ABCB8: variants seen among roughly 807,000 people sequenced by gnomAD.
ABCB8 encodes mitochondrial potassium channel ATP-binding subunit.
Under a neutral mutation model 73.0 loss-of-function variants are expected in ABCB8, and 52 were observed. That is an observed-to-expected ratio of 0.71 (90% CI 0.57 to 0.90). The LOEUF is 0.90. Among genes scored for constraint, ABCB8 ranks in the 40% least tolerant of loss-of-function variants. The probability of loss-of-function intolerance (pLI) is 0.00; values close to 1 mark genes in which losing one functional copy is unlikely to be tolerated. For synonymous variants in ABCB8, 428 were observed against 423.5 expected (o/e 1.01, Z -0.13); for missense variants, 909 against 974.6 (o/e 0.93, Z 0.90).
Position 151,045,321 on chromosome 7 carries a change from G to T in ABCB8, c.2129G>T (p.Gly710Val), listed in dbSNP as rs59397762. 82,166 of 1,590,168 alleles carry T rather than the reference G, an allele frequency of 0.052. 2,391 individuals are homozygous for T. The highest frequency in any genetic ancestry group is 0.06 in the Non-Finnish European group (70,286 of 1,168,038). ...GCCCCACCGCCCAAAAAGCCAGAAG[G>T]CCCCAGGAGCCACCAGCACAAGTCC... Reference protein sequence around the residue: ...TAAPPPKKPEGPRSHQHKS With the variant: ...TAAPPPKKPEVPRSHQHKS Residue 710 changes from glycine to valine, a missense_variant, in exon 16 of 16, where the codon GGC (glycine) becomes GTC (valine). Coordinates refer to ENST00000358849, the MANE Select transcript of ABCB8 (RefSeq NM_007188.5).
At chr7:151,041,435 C>A (rs1796462821) in intron 13 of ABCB8, among the ~76,000 whole-genome samples, 1 of 152,270 alleles carries the variant, frequency 6.6e-6, no homozygotes, top group African/African-American at 2.4e-5. Context: ...TGCCTGGTCT[C>A]CCAGAGCAGG....
Position 151,035,571 on chromosome 7 carries a change from C to G in ABCB8, c.766-10C>G, listed in dbSNP as rs1796280879. ...CGCCGTAGCCTCCCGCCTTCCCTCC[C>G]ACTCCCTAGGGGCTGCGAAGCTGCA... On this transcript the variant is annotated splice_polypyrimidine_tract_variant and intron_variant, in intron 5 of 15. Coordinates refer to ENST00000358849, the MANE Select transcript of ABCB8 (RefSeq NM_007188.5). 1 of 1,582,196 alleles carries G rather than the reference C, an allele frequency of 6.3e-7. No individual in the cohort carries two copies.
At chr7:151,029,928 G>A (rs1425563426) in intron 1 of ABCB8, among the ~76,000 whole-genome samples, 1 of 152,214 alleles carries the variant, frequency 6.6e-6, no homozygotes, top group Non-Finnish European at 1.5e-5. Context: ...GCAAGAGCTG[G>A]ATCGAGCTGG....
At chr7:151,041,264 C>T (rs754321161) in intron 13 of ABCB8, 32 bp downstream of exon 13, 5 of 1,577,168 alleles carry the variant, frequency 3.2e-6, no homozygotes, top group Non-Finnish European at 1.7e-6. Context: ...CCTTGGCTCC[C>T]ACTGCCCGTC....
chr7:151,035,151 T>A (rs1183075744), intron 5 of ABCB8, among the ~76,000 whole-genome samples: 1 of 152,182 alleles, frequency 6.6e-6, no homozygotes, highest in Non-Finnish European at 1.5e-5. Context: ...CCAGAGTGCC[T>A]GGATTGCTGA....
Position 151,033,645 on chromosome 7 carries a change from G to C in ABCB8, c.136G>C (p.Val46Leu). The change falls in exon 2 of 16, where the codon GTG becomes CTG. Residue 46 changes from valine to leucine, a missense_variant. By Grantham distance (32) the Val-to-Leu change is conservative. Transcript: ENST00000358849. ...CCGCAGCTCCTCCCTCCTCCGGGCCGTGGCCCACCTGCGGTCCCAGCTCTG... is the reference window on the plus strand; with the variant it reads ...CCGCAGCTCCTCCCTCCTCCGGGCCCTGGCCCACCTGCGGTCCCAGCTCTG... Reference protein sequence around the residue: ...GYRSSSLLRAVAHLRSQLWAH... With the variant: ...GYRSSSLLRALAHLRSQLWAH... 6.2e-7 allele frequency: 1 copy of C among 1,601,348 alleles called. No individual in the cohort carries two copies. Among genetic ancestry groups the C allele is most frequent in the Non-Finnish European group, 8.5e-7 (1 of 1,171,728 alleles).
At position 151,042,120 on chromosome 7, in the gene ABCB8, G is replaced by A. The variant is rs1439667007; in HGVS notation, c.1765+12G>A. On this transcript the variant is annotated intron_variant, in intron 14 of 15. Transcript: ENST00000358849. ...CAACACGGTCGTCGGTGGGTGCTCG[G>A]GTCTGCCGGGAACCAGGTGGTGAGG... The A allele has an allele frequency of 1.2e-6, 2 of 1,611,890 alleles. No individual in the cohort carries two copies. Among genetic ancestry groups the A allele is most frequent in the African/African-American group, 2.7e-5 (2 of 74,856 alleles).
At position 151,034,521 on chromosome 7, in the gene ABCB8, G is replaced by A; in HGVS notation, c.581G>A (p.Gly194Glu). The A allele has an allele frequency of 3.7e-6, 6 of 1,613,392 alleles. No homozygotes were observed. The highest frequency in any genetic ancestry group is 5.1e-6 in the Non-Finnish European group (6 of 1,180,020). The change falls in exon 4 of 16, where the codon GGG becomes GAG. Residue 194 changes from glycine (G) to glutamate (E), a missense_variant. Transcript: ENST00000358849. ...LYGVQGLLTF[G>E]YLVLLSHVGE... Reference sequence around the variant, plus strand: ...CTTTCGCAGGGACTGCTGACCTTCGGGTACCTGGTGCTGCTGTCCCACGTT... The same window carrying A: ...CTTTCGCAGGGACTGCTGACCTTCGAGTACCTGGTGCTGCTGTCCCACGTT...
At chr7:151,034,480 C>T in intron 3 of ABCB8, 25 bp from the exon 4 acceptor site, 1 of 1,613,700 alleles carries the variant, frequency 6.2e-7, no homozygotes, top group Non-Finnish European at 8.5e-7. Context: ...CGAGGCATCC[C>T]TGAGTGCACT....
At chr7:151,033,352 T>C (rs1191090384) in intron 1 of ABCB8, 1 of 1,304,728 alleles carries the variant, frequency 7.7e-7, no homozygotes, top group Non-Finnish European at 1.0e-6. Flanking sequence ...GGGTGTTGCC[T>C]GAGAGTTGCC....
At position 151,045,243 on chromosome 7, in the gene ABCB8, G is replaced by C; in HGVS notation, c.2051G>C (p.Gly684Ala). The C allele has an allele frequency of 6.3e-7, 1 of 1,596,498 alleles. No individual in the cohort carries two copies. The highest frequency in any genetic ancestry group is 8.5e-7 in the Non-Finnish European group (1 of 1,170,932). ...CATGAAGAGCTCCTGAAGAAAGGCG[G>C]GCTATACGCCGAGCTCATCCGGAGG... ...GTHEELLKKG[G>A]LYAELIRRQA... Residue 684 changes from glycine (G) to alanine (A), a missense_variant, in exon 16 of 16, where the codon GGG becomes GCG. Coordinates refer to ENST00000358849, the MANE Select transcript of ABCB8 (RefSeq NM_007188.5).
rs764578962 is a variant in ABCB8, at chr7:151,042,034, T to C, written c.1691T>C (p.Val564Ala). The stretch of plus-strand genomic sequence containing the variant: ...AAGCTGGAAGCTTCCGATGAAGAGG[T>C]GTACACAGCCGCCCGGGAAGCGAAT... ...FGKLEASDEE[V>A]YTAAREANAH... The change falls in exon 14 of 16, where the codon GTG (valine) becomes GCG (alanine). Residue 564 changes from valine (V) to alanine (A), a missense_variant. Coordinates refer to ENST00000358849, the MANE Select transcript of ABCB8 (RefSeq NM_007188.5). 1.1e-5 allele frequency: 18 copies of C among 1,612,694 alleles called. No homozygotes were observed. The highest frequency in any genetic ancestry group is 1.5e-5 in the Non-Finnish European group (18 of 1,179,930).
At position 151,034,255 on chromosome 7, in the gene ABCB8, T is replaced by A; in HGVS notation, c.409-18T>A. On this transcript the variant is annotated intron_variant, in intron 2 of 15. Transcript: ENST00000358849. ...TCCCCCACTTAAAACATTTGTGCCCTCTGTCTCCCCATTCCAGCTGGCCTT... is the reference window on the plus strand; with the variant it reads ...TCCCCCACTTAAAACATTTGTGCCCACTGTCTCCCCATTCCAGCTGGCCTT... The A allele has an allele frequency of 6.2e-7, 1 of 1,603,100 alleles. No homozygotes were observed. The highest frequency in any genetic ancestry group is 8.5e-7 in the Non-Finnish European group (1 of 1,174,744).
At chr7:151,036,429 A>G (rs765131707) in intron 8 of ABCB8, 115 bp from the exon 9 acceptor site, 130 of 1,045,580 alleles carry the variant, frequency 1.2e-4, no homozygotes, top group Middle Eastern at 2.1e-4. Context: ...GAGGAAGCCA[A>G]CGCTGGGACC....
intron 1 of ABCB8, among the ~76,000 whole-genome samples, chr7:151,032,173 C>T (rs1796181612): frequency 6.6e-6 from 1 of 152,190 alleles, no homozygotes; most frequent in African/African-American, 2.4e-5. Flanking sequence ...CACTCCACCC[C>T]CACCTGTGCC....
intron 5 of ABCB8, 108 bp from the exon 6 acceptor site, chr7:151,035,473 T>C: frequency 7.5e-7 from 1 of 1,330,566 alleles, no homozygotes; most frequent in Non-Finnish European, 1.0e-6. Flanking sequence ...GGCCAAGACC[T>C]GGGCCTTGGC....
chr7:151,044,034 T>C lies in ABCB8; in HGVS notation c.1829T>C (p.Ile610Thr). Reference protein sequence around the residue: ...KQRLAIARALIKQPTVLILDE... With the variant: ...KQRLAIARALTKQPTVLILDE... ...CGCCTGGCCATCGCCCGAGCCCTTA[T>C]CAAGCAGCCCACGGTGCTGATACTG... The change falls in exon 15 of 16, where the codon ATC (isoleucine) becomes ACC (threonine). Residue 610 changes from isoleucine to threonine, a missense_variant. Transcript: ENST00000358849. The C allele has an allele frequency of 6.2e-7, 1 of 1,613,348 alleles. No individual in the cohort carries two copies. The highest frequency in any genetic ancestry group is 8.5e-7 in the Non-Finnish European group (1 of 1,179,906).
chr7:151,032,826 C>A, intron 1 of ABCB8: 1 of 329,386 alleles, frequency 3.0e-6, no homozygotes, highest in Non-Finnish European at 6.1e-6. Flanking sequence ...TCTTATTTTT[C>A]TCTGTTTCCT....
chr7:151,034,220 G>A, intron 2 of ABCB8, 53 bp from the exon 3 acceptor site: 3 of 1,546,884 alleles, frequency 1.9e-6, no homozygotes, highest in Non-Finnish European at 2.6e-6. Context: ...TGGGGATGGG[G>A]AGGAGTGGCT....
Sources: allele counts gnomAD v4.1 joint callset (sites outside exome capture counted in the v4.1 genomes callset), GRCh38; gene constraint gnomAD v4.1.1; transcripts MANE v1.5; gene names NCBI Gene and HGNC (gene_info 2026-07-23, HGNC 2026-07-21).